Variants in GRIN2A observed in about 807,000 individuals in gnomAD.
The protein encoded by GRIN2A is glutamate ionotropic receptor NMDA type subunit 2A, also known as glutamate receptor ionotropic, NMDA 2A.
A neutral mutation model predicts 113.4 loss-of-function variants in GRIN2A; 22 were observed. The ratio of observed to expected loss-of-function variants is 0.19; its 90% confidence interval spans 0.14 to 0.28. GRIN2A has a LOEUF of 0.28. Among genes scored for constraint, GRIN2A ranks in the 10% least tolerant of loss-of-function variants. GRIN2A has a pLI of 1.00. For missense variants in GRIN2A, 1,502 were observed against 1,887.0 expected (o/e 0.80, Z 3.78); for synonymous variants, 827 against 738.4 (o/e 1.12, Z -1.94).
chr16:10,157,057 C>A (rs80149941), intron 2 of GRIN2A, among the ~76,000 whole-genome samples: 2,497 of 152,198 alleles, frequency 0.016, 78 homozygotes, highest in African/African-American at 0.057. Context: ...GTTGATATCA[C>A]CAAAGCTTTA....
intron 11 of GRIN2A, among the ~76,000 whole-genome samples, chr16:9,777,616 C>A (rs765152104): frequency 6.6e-6 from 1 of 152,232 alleles, no homozygotes; most frequent in African/African-American, 2.4e-5. Context: ...TCACCGCCAC[C>A]TTCCAACTGA....
At chr16:10,001,064 T>G (rs2046311724) in intron 2 of GRIN2A, among the ~76,000 whole-genome samples, 1 of 152,184 alleles carries the variant, frequency 6.6e-6, no homozygotes, top group Non-Finnish European at 1.5e-5. Context: ...AGCAGCATAC[T>G]GAGGTCAGCC....
At chr16:9,975,500 G>A (rs1268177767) in intron 2 of GRIN2A, among the ~76,000 whole-genome samples, 5 of 152,272 alleles carry the variant, frequency 3.3e-5, no homozygotes, top group Non-Finnish European at 5.9e-5. Context: ...TAGGAGCAAA[G>A]ACCAGCCTGC....
chr16:9,927,696 C>A (rs1335715172), intron 3 of GRIN2A, among the ~76,000 whole-genome samples: 1 of 152,046 alleles, frequency 6.6e-6, no homozygotes, highest in Admixed American at 6.6e-5. Context: ...TAGGTCTTAC[C>A]CTTAGAGTAC....
intron 2 of GRIN2A, among the ~76,000 whole-genome samples, chr16:10,082,243 C>T (rs1233703074): frequency 6.6e-6 from 1 of 152,160 alleles, no homozygotes; most frequent in Non-Finnish European, 1.5e-5. Context: ...AGTCTTAACA[C>T]AAAGATCAGG....
intron 10 of GRIN2A, among the ~76,000 whole-genome samples, chr16:9,818,170 T>C (rs1488048910): frequency 6.6e-6 from 1 of 151,702 alleles, no homozygotes; most frequent in Non-Finnish European, 1.5e-5. Context: ...TGTGGTGACG[T>C]GGACACCTGA....
chr16:10,078,241 G>A (rs1252032754), intron 2 of GRIN2A, among the ~76,000 whole-genome samples: 1 of 152,108 alleles, frequency 6.6e-6, no homozygotes, highest in Non-Finnish European at 1.5e-5. Flanking sequence ...GTTGCTCTGT[G>A]GTCCAGTGTG....
At chr16:10,060,849 C>T (rs1393940042) in intron 2 of GRIN2A, among the ~76,000 whole-genome samples, 1 of 152,174 alleles carries the variant, frequency 6.6e-6, no homozygotes, top group East Asian at 1.9e-4. Context: ...ACACCCACAA[C>T]AGTGCAAGCC....
intron 2 of GRIN2A, among the ~76,000 whole-genome samples, chr16:10,117,831 A>G (rs1325587032): frequency 6.6e-6 from 1 of 152,256 alleles, no homozygotes; most frequent in African/African-American, 2.4e-5. Context: ...ATAGAAATAT[A>G]GTGGACATAG....
chr16:9,823,272 G>A (rs374684711), intron 9 of GRIN2A, among the ~76,000 whole-genome samples: 4 of 152,268 alleles, frequency 2.6e-5, no homozygotes, highest in East Asian at 1.9e-4. Flanking sequence ...AGATGGTGGC[G>A]GGCTGTGGTT....
chr16:10,052,159 T>TAGG (rs2047370297), intron 2 of GRIN2A, among the ~76,000 whole-genome samples: 1 of 152,224 alleles, frequency 6.6e-6, no homozygotes, highest in African/African-American at 2.4e-5. Flanking sequence ...AATTCTACTG[T>TAGG]AGGAGGAAAT....
At chr16:9,973,976 G>A (rs992244185) in intron 2 of GRIN2A, among the ~76,000 whole-genome samples, 5 of 152,054 alleles carry the variant, frequency 3.3e-5, no homozygotes, top group Admixed American at 6.6e-5. Flanking sequence ...ATTCCTTCAG[G>A]AATTAATGAA....
At chr16:9,868,391 C>CA (rs2043199141) in intron 4 of GRIN2A, among the ~76,000 whole-genome samples, 1 of 152,122 alleles carries the variant, frequency 6.6e-6, no homozygotes, top group Non-Finnish European at 1.5e-5. Flanking sequence ...CTCAGCCTCC[C>CA]AAGTAGCTGG....
intron 2 of GRIN2A, among the ~76,000 whole-genome samples, chr16:10,134,449 G>A (rs545760882): frequency 2.9e-4 from 44 of 150,308 alleles, no homozygotes; most frequent in South Asian, 6.5e-4. Context: ...GACAGAAGGC[G>A]GGGAATATCA....
chr16:9,965,846 G>T (rs2045547312), intron 2 of GRIN2A, among the ~76,000 whole-genome samples: 1 of 152,166 alleles, frequency 6.6e-6, no homozygotes, highest in Non-Finnish European at 1.5e-5. Flanking sequence ...TTCCTGTATT[G>T]TCTGTGGCTG....
chr16:10,160,647 G>A (rs1039715659), intron 2 of GRIN2A, among the ~76,000 whole-genome samples: 14 of 152,208 alleles, frequency 9.2e-5, no homozygotes, highest in African/African-American at 3.4e-4. Context: ...GATTTTGGCT[G>A]TTTTAATGAA....
intron 2 of GRIN2A, among the ~76,000 whole-genome samples, chr16:10,042,298 A>G (rs2047179313): frequency 6.6e-6 from 1 of 152,212 alleles, no homozygotes; most frequent in Non-Finnish European, 1.5e-5. Context: ...GATGACATCA[A>G]CAAAGGCAAT....
In GRIN2A at chr16:10,064,132, T is replaced by C. The variant is rs374429903; in HGVS notation, c.414+115866A>G. ...ATGGTAGGTTCTCAATCGATGTCTA[T>C]AGAATTGAACTGACTTTGTTGGTGA... is the stretch of plus-strand genomic sequence containing the variant. On this transcript the variant is annotated intron_variant, in intron 2 of 12. Transcript: ENST00000330684. Among the ~76,000 whole-genome samples the C allele has an allele frequency of 3.5e-4, 54 of 152,344 alleles. 2 individuals carry two copies. The South Asian group carries it at 1.0e-2, about 28-fold the overall frequency.
At chr16:9,834,557 T>G (rs2042554816) in intron 7 of GRIN2A, among the ~76,000 whole-genome samples, 2 of 152,080 alleles carry the variant, frequency 1.3e-5, no homozygotes, top group Admixed American at 1.3e-4. Flanking sequence ...AATTTTTGTA[T>G]TTTTAGTTGA....
Sources: gnomAD v4.1 joint callset for allele counts (sites outside exome capture counted in the v4.1 genomes callset) on GRCh38, gnomAD v4.1.1 for gene constraint, MANE v1.5 for transcripts, NCBI Gene and HGNC (gene_info 2026-07-23, HGNC 2026-07-21) for gene names.